The following ERLIN1 variants were observed in gnomAD, a reference collection of about 807,000 sequenced individuals.
The protein encoded by ERLIN1 is ER lipid raft associated 1, also known as erlin-1.
ERLIN1 carries 24 observed loss-of-function variants against 46.9 expected under a neutral mutation model. The observed-to-expected ratio is 0.51, with a 90% CI of 0.37 to 0.72. The LOEUF (loss-of-function observed/expected upper bound fraction) is 0.72, where lower values mean the gene tolerates loss of function less well. Among genes scored for constraint, ERLIN1 ranks in the 30% least tolerant of loss-of-function variants. ERLIN1 has a pLI of 0.00. For missense variants in ERLIN1, 293 were observed against 417.9 expected (o/e 0.70, Z 2.61); for synonymous variants, 158 against 143.2 (o/e 1.10, Z -0.74).
At chr10:100,154,792 G>T in intron 10 of ERLIN1, 68 bp downstream of exon 10, 1 of 1,219,876 alleles carries the variant, frequency 8.2e-7, no homozygotes, top group South Asian at 1.3e-5. Flanking sequence ...TATCATATCA[G>T]AGCTCCTGAA....
At chr10:100,175,206 C>T (rs1844220857) in intron 5 of ERLIN1, among the ~76,000 whole-genome samples, 1 of 152,212 alleles carries the variant, frequency 6.6e-6, no homozygotes, top group Non-Finnish European at 1.5e-5. Flanking sequence ...TTTGTAAACT[C>T]GTCCTTGGTT....
chr10:100,175,261 G>T (rs1312950016), intron 5 of ERLIN1, among the ~76,000 whole-genome samples: 1 of 152,200 alleles, frequency 6.6e-6, no homozygotes, highest in African/African-American at 2.4e-5. Flanking sequence ...ACTATCCCCA[G>T]AGCTAATACA....
Position 100,151,959 on chromosome 10 carries a change from T to C in ERLIN1, c.*172A>G. 1 of 675,790 alleles carries C rather than the reference T, an allele frequency of 1.5e-6. No individual in the cohort carries two copies. Among genetic ancestry groups the C allele is most frequent in the Non-Finnish European group, 2.7e-6 (1 of 369,492 alleles). 41.9% of individuals were successfully genotyped at this position (675,790 alleles called of 1,614,324 possible). Reference sequence around the variant, plus strand: ...ACTGTGGCTGAAAAGACCATTTGTGTGTCAGACAGCTGGCTCTATCCTCCA... The same window carrying C: ...ACTGTGGCTGAAAAGACCATTTGTGCGTCAGACAGCTGGCTCTATCCTCCA... On this transcript the variant is annotated 3_prime_UTR_variant, in exon 11 of 11. Coordinates refer to ENST00000421367, the MANE Select transcript of ERLIN1 (RefSeq NM_006459.4).
intron 9 of ERLIN1, among the ~76,000 whole-genome samples, chr10:100,155,896 G>A (rs1843058725): frequency 6.6e-6 from 1 of 152,102 alleles, no homozygotes; most frequent in Non-Finnish European, 1.5e-5. Flanking sequence ...AAATAAAGTG[G>A]TAGCTAATAA....
At chr10:100,164,342 C>T (rs991779381) in intron 7 of ERLIN1, among the ~76,000 whole-genome samples, 7 of 152,204 alleles carry the variant, frequency 4.6e-5, no homozygotes, top group Non-Finnish European at 8.8e-5. Flanking sequence ...TTTAGTTTGG[C>T]TTTCTTCTCC....
Position 100,155,452 on chromosome 10 carries a change from A to T in ERLIN1, c.746-513T>A, listed in dbSNP as rs768183294. Among the ~76,000 whole-genome samples the T allele has an allele frequency of 5.8e-4, 86 of 149,008 alleles. 1 individual carries two copies. Among genetic ancestry groups the T allele is most frequent in the Non-Finnish European group, 8.7e-4 (59 of 67,704 alleles). Reference sequence around the variant, plus strand: ...TGAAAACTGTTTTTCCCCCCAATTAATTTTGTTTTTTTTTTGGACAGGTGG... The same window carrying T: ...TGAAAACTGTTTTTCCCCCCAATTATTTTTGTTTTTTTTTTGGACAGGTGG... On this transcript the variant is annotated intron_variant, in intron 9 of 10. Transcript: ENST00000421367.
At chr10:100,157,827 C>A (rs1042516634) in intron 8 of ERLIN1, among the ~76,000 whole-genome samples, 30 of 152,296 alleles carry the variant, frequency 2.0e-4, no homozygotes, top group African/African-American at 6.7e-4. Flanking sequence ...TCTCATTCAA[C>A]AAAGCTCTGT....
chr10:100,172,354 T>C (rs1165100351), intron 6 of ERLIN1, among the ~76,000 whole-genome samples: 1 of 152,240 alleles, frequency 6.6e-6, no homozygotes, highest in Non-Finnish European at 1.5e-5. Context: ...AATGATGTTA[T>C]CCCTGCATAA....
Position 100,185,684 on chromosome 10 carries a change from AC to A in ERLIN1, c.-59del. Reference sequence around the variant, plus strand: ...CCTCAGTCCCGTGAGTGACAGGTCCACCCCCTCCAGTTTCTACCCTCTCCCT... The same window carrying A: ...CCTCAGTCCCGTGAGTGACAGGTCCACCCCTCCAGTTTCTACCCTCTCCCT... On this transcript the variant is annotated 5_prime_UTR_variant, in exon 1 of 11. The change abolishes the stop of an existing upstream ORF in the 5' untranslated region. Transcript: ENST00000421367. 3 of 1,403,428 alleles carry A rather than the reference AC, an allele frequency of 2.1e-6. No individual in the cohort carries two copies. The highest frequency in any genetic ancestry group is 1.4e-5 in the African/African-American group (1 of 70,956). 86.9% of individuals were successfully genotyped at this position (1,403,428 alleles called of 1,614,324 possible). A position where few individuals can be genotyped will look rare whatever the true frequency, so the allele number is the denominator to read the frequency against.
chr10:100,179,821 A>G (rs766619057), intron 2 of ERLIN1, among the ~76,000 whole-genome samples: 13 of 152,198 alleles, frequency 8.5e-5, no homozygotes, highest in Admixed American at 2.0e-4. Flanking sequence ...TAATAAGTAG[A>G]AAACTCTTCC....
chr10:100,168,592 T>C (rs1843782614), intron 6 of ERLIN1, among the ~76,000 whole-genome samples: 1 of 152,164 alleles, frequency 6.6e-6, no homozygotes, highest in South Asian at 2.1e-4. Context: ...TGGATTAATA[T>C]GATTCAAGGA....
intron 5 of ERLIN1, 58 bp from the exon 6 acceptor site, chr10:100,174,339 T>C: frequency 3.2e-6 from 4 of 1,251,208 alleles, no homozygotes; most frequent in Admixed American, 2.0e-5. Flanking sequence ...TTACATTGTA[T>C]TCATAATGAA....
chr10:100,154,995 C>T, intron 9 of ERLIN1, 56 bp from the exon 10 acceptor site: 7 of 1,368,840 alleles, frequency 5.1e-6, no homozygotes, highest in Non-Finnish European at 6.2e-6. Flanking sequence ...GTTAAGAGTC[C>T]CTTTCCCCAC....
At position 100,156,168 on chromosome 10, in the gene ERLIN1, T is replaced by G; in HGVS notation, c.722A>C (p.Glu241Ala). Residue 241 changes from glutamate to alanine, a missense_variant, in exon 9 of 11, where the codon GAA becomes GCA. This residue lies in a region of ERLIN1 where 148 missense variants were observed against 266.5 expected (regional missense o/e 0.56). Transcript: ENST00000421367. ...FQQKVMEKET[E>A]KRISEIEDAA... Reference sequence around the variant, plus strand: ...ACCTTCGATTTCAGAAATGCGCTTTTCAGTTTCTTTTTCCATCACTTTCTG... The same window carrying G: ...ACCTTCGATTTCAGAAATGCGCTTTGCAGTTTCTTTTTCCATCACTTTCTG... 1 of 1,613,034 alleles carries G rather than the reference T, an allele frequency of 6.2e-7. No individual in the cohort carries two copies. Among genetic ancestry groups the G allele is most frequent in the Non-Finnish European group, 8.5e-7 (1 of 1,179,188 alleles).
At position 100,179,181 on chromosome 10, in the gene ERLIN1, T is replaced by C. The variant is rs1405477765; in HGVS notation, c.242+20A>G. On this transcript the variant is annotated intron_variant, in intron 3 of 10. Coordinates refer to ENST00000421367, the MANE Select transcript of ERLIN1 (RefSeq NM_006459.4). ...TCTGTCTGAGCTAAAGGGAGGCTCG[T>C]AGGCAAAGAGAAAGCTTACCTTGTT... 5 of 1,580,146 alleles carry C rather than the reference T, an allele frequency of 3.2e-6. No individual in the cohort carries two copies. Among genetic ancestry groups the C allele is most frequent in the Non-Finnish European group, 2.6e-6 (3 of 1,159,020 alleles).
At chr10:100,165,105 G>A (rs139264846) in intron 7 of ERLIN1, among the ~76,000 whole-genome samples, 19 of 152,258 alleles carry the variant, frequency 1.2e-4, no homozygotes, top group Middle Eastern at 3.4e-3. Context: ...GGGTAACCAC[G>A]TGGCAGAAAT....
At position 100,156,251 on chromosome 10, in the gene ERLIN1, TAAG is replaced by T. The variant is rs548789974; in HGVS notation, c.656-20_656-18del. 1,340 of 1,564,138 alleles carry T rather than the reference TAAG, an allele frequency of 8.6e-4. 6 individuals are homozygous for T. In the Middle Eastern group the frequency reaches 8.7e-3, roughly 10 times the overall value. ...TCTCTGCTTCTATAATCATACAACA[TAAG>T]AAGACACATTCAAAACCATTTCTAC... On this transcript the variant is annotated intron_variant, in intron 8 of 10. Transcript: ENST00000421367.
At chr10:100,179,893 A>C (rs1844540685) in intron 2 of ERLIN1, among the ~76,000 whole-genome samples, 1 of 152,176 alleles carries the variant, frequency 6.6e-6, no homozygotes. Context: ...GCTCACATAG[A>C]TACTCTGGCT....
intron 2 of ERLIN1, among the ~76,000 whole-genome samples, chr10:100,180,519 G>A (rs182650978): frequency 7.2e-4 from 109 of 152,346 alleles, no homozygotes; most frequent in Admixed American, 1.3e-3. Flanking sequence ...TCTAGAGTGG[G>A]AGAAATAAGA....
Sources: gnomAD v4.1 joint callset for allele counts (sites outside exome capture counted in the v4.1 genomes callset) on GRCh38, gnomAD v4.1.1 for gene constraint, gnomAD v4.1.1 regional missense constraint, MANE v1.5 for transcripts, NCBI Gene and HGNC (gene_info 2026-07-23, HGNC 2026-07-21) for gene names.